Variants in GNAL observed in about 807,000 individuals in gnomAD.
GNAL encodes the protein G protein subunit alpha L, also known as guanine nucleotide-binding protein G(olf) subunit alpha.
GNAL carries 18 observed loss-of-function variants against 55.1 expected under a neutral mutation model. The ratio of observed to expected loss-of-function variants is 0.33; its 90% confidence interval spans 0.23 to 0.48. The LOEUF (loss-of-function observed/expected upper bound fraction) is 0.48, where lower values mean the gene tolerates loss of function less well. Ranked by LOEUF, GNAL falls within the 20% of genes least tolerant of loss-of-function variation. The pLI is 0.99. For synonymous variants in GNAL, 253 were observed against 237.0 expected, an observed-to-expected ratio of 1.07 and a Z score of -0.62; for missense variants, 412 against 614.1, an observed-to-expected ratio of 0.67 and a Z score of 3.48.
chr18:11,749,532 C>T (rs1404045531), intron 1 of GNAL, among the ~76,000 whole-genome samples: 1 of 151,998 alleles, frequency 6.6e-6, no homozygotes, highest in African/African-American at 2.4e-5. Context: ...ATATTCCCAG[C>T]GCATCTCCTC....
chr18:11,753,828 A>C lies in GNAL; in HGVS notation c.507A>C (p.Thr169=), dbSNP rs754942072. The change falls in exon 4 of 12, where the codon ACA becomes ACC. Residue 169 remains threonine (T), a splice_region_variant and synonymous_variant. Coordinates refer to ENST00000334049, the MANE Select transcript of GNAL (RefSeq NM_182978.4). ...TTTTTTTTCTTATTCCATTTTAGAC[A>C]ATTGTTTCAGCAATGAGTACTATAA... ...IRKNVKDAIV[T]IVSAMSTIIP... 6.2e-7 allele frequency: 1 copy of C among 1,607,942 alleles called. No homozygotes were observed. Among genetic ancestry groups the C allele is most frequent in the Non-Finnish European group, 8.5e-7 (1 of 1,175,040 alleles).
intron 1 of GNAL, among the ~76,000 whole-genome samples, chr18:11,710,218 A>T (rs1462841020): frequency 1.3e-5 from 2 of 152,054 alleles, no homozygotes; most frequent in Non-Finnish European, 2.9e-5. Context: ...GCTTCTGTGG[A>T]CCTCAGGAAT....
At chr18:11,691,934 T>A (rs546874953) in intron 1 of GNAL, among the ~76,000 whole-genome samples, 1 of 152,264 alleles carries the variant, frequency 6.6e-6, no homozygotes, top group East Asian at 1.9e-4. Context: ...CCTAGTAGTA[T>A]TTTTCAGAGC....
At chr18:11,764,861 G>A (rs2033357313) in intron 4 of GNAL, among the ~76,000 whole-genome samples, 1 of 152,154 alleles carries the variant, frequency 6.6e-6, no homozygotes, top group South Asian at 2.1e-4. Context: ...AAAGAAGCAG[G>A]CATATCTATG....
At chr18:11,706,434 T>C (rs12456960) in intron 1 of GNAL, among the ~76,000 whole-genome samples, 1 of 152,210 alleles carries the variant, frequency 6.6e-6, no homozygotes, top group East Asian at 1.9e-4. Context: ...CCTCGATATC[T>C]GTGGCTGCTG....
chr18:11,815,209 A>C (rs538268841), intron 4 of GNAL, among the ~76,000 whole-genome samples: 1 of 152,294 alleles, frequency 6.6e-6, no homozygotes, highest in East Asian at 1.9e-4. Context: ...CTATGTATAT[A>C]CTCATTGAAG....
At chr18:11,695,912 A>G (rs147992299) in intron 1 of GNAL, among the ~76,000 whole-genome samples, 95 of 148,406 alleles carry the variant, frequency 6.4e-4, no homozygotes, top group East Asian at 2.9e-3. Context: ...TCAGACATGC[A>G]TGCACGCATG....
In GNAL at chr18:11,753,611, ACT is replaced by A; in HGVS notation, c.450-12_450-11del. 1 of 1,500,246 alleles carries A rather than the reference ACT, an allele frequency of 6.7e-7. No homozygotes were observed. The highest frequency in any genetic ancestry group is 9.3e-7 in the Non-Finnish European group (1 of 1,076,864). The allele number at this position is 1,500,246 out of a possible 1,614,324, so 92.9% of individuals were successfully genotyped here. A position where few individuals can be genotyped will look rare whatever the true frequency, so the allele number is the denominator to read the frequency against. ...CTAAGAGTAAATTAAGCTAATAACA[ACT>A]CTCTTTCAATACAGGGAAAAGAAAC... On this transcript the variant is annotated splice_polypyrimidine_tract_variant and intron_variant, in intron 2 of 11. Coordinates refer to ENST00000334049, the MANE Select transcript of GNAL (RefSeq NM_182978.4).
intron 1 of GNAL, among the ~76,000 whole-genome samples, chr18:11,697,825 G>A (rs8087897): frequency 0.27 from 40,513 of 152,124 alleles, 9,521 homozygotes; most frequent in African/African-American, 0.64. Context: ...CGGTCTAGAT[G>A]TGTTGAGACT....
chr18:11,847,177 AG>A (rs1329793765), intron 5 of GNAL, among the ~76,000 whole-genome samples: 2 of 152,092 alleles, frequency 1.3e-5, no homozygotes, highest in African/African-American at 4.8e-5. Context: ...GAGGTTGAAT[AG>A]TACCAGGTAT....
At chr18:11,736,416 CT>C (rs775726467) in intron 1 of GNAL, among the ~76,000 whole-genome samples, 2 of 152,138 alleles carry the variant, frequency 1.3e-5, no homozygotes, top group Admixed American at 1.3e-4. Context: ...AAAGATACTT[CT>C]TTGTGGTTTT....
Position 11,884,917 on chromosome 18 carries a change from A to C in GNAL, c.*3782A>C, listed in dbSNP as rs2036953844. The C allele has an allele frequency of 3.9e-6, 5 of 1,289,896 alleles. No homozygotes were observed. In the Admixed American group the frequency reaches 1.5e-4, roughly 39 times the overall value. The allele number at this position is 1,289,896 out of a possible 1,614,324, so 79.9% of individuals were successfully genotyped here. On this transcript the variant is annotated 3_prime_UTR_variant, in exon 12 of 12. Coordinates refer to ENST00000334049, the MANE Select transcript of GNAL (RefSeq NM_182978.4). ...CCCCTGGCTCACTGGGTTCCCATCA[A>C]ATATAGTGGGGGATCCATAACAGAG...
At chr18:11,848,922 C>T (rs996531495) in intron 5 of GNAL, among the ~76,000 whole-genome samples, 3 of 152,080 alleles carry the variant, frequency 2.0e-5, no homozygotes, top group African/African-American at 7.2e-5. Context: ...TATTACTGGT[C>T]CCAATACATC....
chr18:11,762,757 G>C (rs2033285590), intron 4 of GNAL, among the ~76,000 whole-genome samples: 1 of 152,172 alleles, frequency 6.6e-6, no homozygotes, highest in Admixed American at 6.5e-5. Flanking sequence ...AAAAATGCAA[G>C]GTTTTTTTGG....
At position 11,815,886 on chromosome 18, in the gene GNAL, G is replaced by A. The variant is rs531936714; in HGVS notation, c.625-9032G>A. 1.6e-4 allele frequency among the ~76,000 whole-genome samples: 25 copies of A among 152,094 alleles called. No individual in the cohort carries two copies. The South Asian group carries it at 4.8e-3, about 29-fold the overall frequency. ...AACAGTTTCATAAAAGATAGCCAAC[G>A]TAATTCATCATTAGGGAAATGCAAA... On this transcript the variant is annotated intron_variant, in intron 4 of 11. Coordinates refer to ENST00000334049, the MANE Select transcript of GNAL (RefSeq NM_182978.4).
chr18:11,825,797 A>G (rs2035228754), intron 5 of GNAL, among the ~76,000 whole-genome samples: 1 of 150,136 alleles, frequency 6.7e-6, no homozygotes, highest in South Asian at 2.1e-4. Flanking sequence ...TTTCCCTGAA[A>G]CACTTACTTT....
intron 4 of GNAL, among the ~76,000 whole-genome samples, chr18:11,754,379 T>G (rs1055776178): frequency 2.0e-5 from 3 of 150,812 alleles, no homozygotes; most frequent in African/African-American, 7.3e-5. Context: ...ATCACGCCAC[T>G]GCACTCCAGC....
intron 1 of GNAL, among the ~76,000 whole-genome samples, chr18:11,750,440 C>G (rs2032790301): frequency 1.3e-5 from 2 of 151,950 alleles, no homozygotes; most frequent in Admixed American, 6.6e-5. Flanking sequence ...ATGCAGTCAG[C>G]CCGTCAGGAA....
At chr18:11,848,772 TA>T (rs1163944543) in intron 5 of GNAL, among the ~76,000 whole-genome samples, 1 of 152,154 alleles carries the variant, frequency 6.6e-6, no homozygotes, top group Admixed American at 6.5e-5. Flanking sequence ...CCACACTTTA[TA>T]AAGTTCATAT....
Sources: gnomAD v4.1 joint callset for allele counts (sites outside exome capture counted in the v4.1 genomes callset) on GRCh38, gnomAD v4.1.1 for gene constraint, MANE v1.5 for transcripts, NCBI Gene and HGNC (gene_info 2026-07-23, HGNC 2026-07-21) for gene names.